REST: variants seen among roughly 807,000 people sequenced by gnomAD.
REST encodes the protein RE1-silencing transcription factor.
REST carries 1 observed loss-of-function variant against 30.4 expected under a neutral mutation model. The observed-to-expected ratio is 0.03, with a 90% CI of 0.01 to 0.16. The LOEUF (loss-of-function observed/expected upper bound fraction) is 0.16. Among genes scored for constraint, REST ranks in the 10% least tolerant of loss-of-function variants. The pLI is 1.00. For synonymous variants in REST, 504 were observed against 451.1 expected (o/e 1.12, Z -1.49); for missense variants, 1,259 against 1,329.5 (o/e 0.95, Z 0.82).
rs1446119135 is a variant in REST, at chr4:56,930,968, G to C, written c.2110G>C (p.Ala704Pro). The change falls in exon 4 of 4, where the codon GCT becomes CCT. Residue 704 changes from alanine (A) to proline (P), a missense_variant. This residue lies in a region of REST where 856 missense variants were observed against 772.8 expected (regional missense o/e 1.11). Transcript: ENST00000309042. ...GACGGAGGTTGCCCAAATGGGGCCT[G>C]CTCCCATGGAACCTGCTCAGATGGA... ...AQTEVAQMGP[A>P]PMEPAQMEVA... is the part of the protein sequence containing the mutation. The C allele has an allele frequency of 2.5e-6, 4 of 1,613,858 alleles. No individual in the cohort carries two copies. Among genetic ancestry groups the C allele is most frequent in the Non-Finnish European group, 3.4e-6 (4 of 1,179,782 alleles).
chr4:56,932,083 C>T lies in REST; in HGVS notation c.3225C>T (p.Tyr1075=), dbSNP rs1258023812. The T allele has an allele frequency of 6.8e-6, 11 of 1,614,116 alleles. No individual in the cohort carries two copies. The highest frequency in any genetic ancestry group is 2.2e-5 in the East Asian group (1 of 44,906). ...CDRSFRKGKD[Y]SKHLNRHLVN... ...GTTCTTTCAGAAAGGGAAAAGATTA[C>T]AGCAAACACCTCAATCGCCATTTGG... is the stretch of plus-strand genomic sequence containing the variant. The change falls in exon 4 of 4, where the codon TAC becomes TAT. Residue 1075 remains tyrosine, a synonymous_variant. Transcript: ENST00000309042.
Position 56,929,564 on chromosome 4 carries a change from T to C in REST, c.983-277T>C, listed in dbSNP as rs10034440. Among the ~76,000 whole-genome samples, 761 of 152,334 alleles carry C rather than the reference T, an allele frequency of 5.0e-3. 8 individuals are homozygous for C. The highest frequency in any genetic ancestry group is 0.017 in the African/African-American group (711 of 41,576). The stretch of plus-strand genomic sequence containing the variant: ...AGAGCCCAATTGAACTTTGCCAATA[T>C]GTGTATGTCTTAAAGAATCTCTGTT... On this transcript the variant is annotated intron_variant, in intron 3 of 3. Transcript: ENST00000309042.
intron 1 of REST, chr4:56,908,921 G>A (rs1418224886): frequency 1.3e-5 from 2 of 151,534 alleles, no homozygotes; most frequent in African/African-American, 2.4e-5. Context: ...TCCGGCGCTC[G>A]GAGCCCGACG....
Position 56,932,182 on chromosome 4 carries a change from G to A in REST, c.*30G>A. 1 of 1,565,824 alleles carries A rather than the reference G, an allele frequency of 6.4e-7. No individual in the cohort carries two copies. Among genetic ancestry groups the A allele is most frequent in the South Asian group, 1.2e-5 (1 of 82,524 alleles). On this transcript the variant is annotated 3_prime_UTR_variant, in exon 4 of 4. Transcript: ENST00000309042. Reference sequence around the variant, plus strand: ...ACTTTGAACAAGGTTTCAGTTCTTAGTTTGTAAGGTATATTACATTTTATA... The same window carrying A: ...ACTTTGAACAAGGTTTCAGTTCTTAATTTGTAAGGTATATTACATTTTATA...
rs1233084710 is a variant in REST at position 56,930,518 on chromosome 4, A to C, written c.1660A>C (p.Asn554His). 1 of 1,610,704 alleles carries C rather than the reference A, an allele frequency of 6.2e-7. No individual in the cohort carries two copies. Among genetic ancestry groups the C allele is most frequent in the Admixed American group, 1.7e-5 (1 of 59,236 alleles). The change falls in exon 4 of 4, where the codon AAT becomes CAT. Residue 554 changes from asparagine to histidine, a missense_variant. Asn to His is a moderately conservative substitution (Grantham distance 68). This residue lies in a region of REST where 856 missense variants were observed against 772.8 expected (regional missense o/e 1.11). Coordinates refer to ENST00000309042, the MANE Select transcript of REST (RefSeq NM_005612.5). The part of the protein sequence containing the change: ...KKKVESKSKN[N>H]SQEVPKGDSK... ...GAAGGTAGAAAGCAAATCCAAAAATAATAGTCAGGAAGTGCCAAAGGGTGA... is the reference window on the plus strand; with the variant it reads ...GAAGGTAGAAAGCAAATCCAAAAATCATAGTCAGGAAGTGCCAAAGGGTGA...
In REST at chr4:56,919,776, A is replaced by C. The variant is rs372187582; in HGVS notation, c.899-11A>C. 1.3e-6 allele frequency: 2 copies of C among 1,575,846 alleles called. No homozygotes were observed. The highest frequency in any genetic ancestry group is 1.7e-6 in the Non-Finnish European group (2 of 1,149,272). On this transcript the variant is annotated splice_polypyrimidine_tract_variant and intron_variant, in intron 2 of 3. Coordinates refer to ENST00000309042, the MANE Select transcript of REST (RefSeq NM_005612.5). Reference sequence around the variant, plus strand: ...ACATTTAAACACTCTTATATTATTGAAATTTTGCAGGAGAACGCCCATATA... The same window carrying C: ...ACATTTAAACACTCTTATATTATTGCAATTTTGCAGGAGAACGCCCATATA...
Position 56,919,824 on chromosome 4 carries a change from A to C in REST, c.936A>C (p.Ser312=). The C allele has an allele frequency of 6.2e-7, 1 of 1,609,322 alleles. No homozygotes were observed. Among genetic ancestry groups the C allele is most frequent in the Non-Finnish European group, 8.5e-7 (1 of 1,176,818 alleles). ...ATAAATGTGAACTTTGTCCTTACTC[A>C]AGTTCTCAGAAGACTCATCTAACTA... ...RPYKCELCPY[S]SSQKTHLTRH... The change falls in exon 3 of 4, where the codon TCA becomes TCC. Residue 312 remains serine, a synonymous_variant. Coordinates refer to ENST00000309042, the MANE Select transcript of REST (RefSeq NM_005612.5).
chr4:56,922,680 C>T (rs1251762119), intron 3 of REST, among the ~76,000 whole-genome samples: 2 of 152,182 alleles, frequency 1.3e-5, no homozygotes, highest in African/African-American at 4.8e-5. Context: ...GTTCTATTAT[C>T]CCCATTTTAC....
At chr4:56,923,365 T>A (rs1720538660) in intron 3 of REST, among the ~76,000 whole-genome samples, 4 of 152,204 alleles carry the variant, frequency 2.6e-5, no homozygotes, top group Admixed American at 2.0e-4. Flanking sequence ...ATGCCTAGGC[T>A]CAAGCCATCC....
chr4:56,930,900 T>C lies in REST; in HGVS notation c.2042T>C (p.Val681Ala). 5.6e-6 allele frequency: 9 copies of C among 1,612,774 alleles called. No homozygotes were observed. Among genetic ancestry groups the C allele is most frequent in the Non-Finnish European group, 7.6e-6 (9 of 1,179,462 alleles). ...GCTCAGATGGTGGGTGCCCAAATTGTACTTGCTCACATGGAGCTGCCTCCT... is the reference window on the plus strand; with the variant it reads ...GCTCAGATGGTGGGTGCCCAAATTGCACTTGCTCACATGGAGCTGCCTCCT... Reference protein sequence around the residue: ...EPAQMVGAQIVLAHMELPPPM... With the variant: ...EPAQMVGAQIALAHMELPPPM... The change falls in exon 4 of 4, where the codon GTA becomes GCA. Residue 681 changes from valine to alanine, a missense_variant. By Grantham distance (64) the Val-to-Ala change is moderately conservative. Coordinates refer to ENST00000309042, the MANE Select transcript of REST (RefSeq NM_005612.5).
At position 56,930,171 on chromosome 4, in the gene REST, C is replaced by A. The variant is rs765586309; in HGVS notation, c.1313C>A (p.Pro438His). 7 of 1,612,122 alleles carry A rather than the reference C, an allele frequency of 4.3e-6. No individual in the cohort carries two copies. The South Asian group carries it at 7.7e-5, about 18-fold the overall frequency. ...ACCAAAAAACGAGAGGCTGACTTGC[C>A]TGATAATATTACCAATGAAAAAACA... ...KKTKKREADLPDNITNEKTEI... is the reference protein window; with the variant it reads ...KKTKKREADLHDNITNEKTEI... The change falls in exon 4 of 4, where the codon CCT becomes CAT. Residue 438 changes from proline (P) to histidine (H), a missense_variant. Physicochemically the swap from Pro to His is moderately conservative, Grantham distance 77 (BLOSUM62 -2). Around this residue, in one of 5 missense-constraint regions of REST, gnomAD observed 856 missense variants for 772.8 expected, o/e 1.11. Coordinates refer to ENST00000309042, the MANE Select transcript of REST (RefSeq NM_005612.5).
chr4:56,918,289 C>T (rs1249183521), intron 2 of REST, among the ~76,000 whole-genome samples: 5 of 151,158 alleles, frequency 3.3e-5, no homozygotes, highest in South Asian at 2.1e-4. Flanking sequence ...CCCAGAAGTT[C>T]GAGACCAGTC....
intron 1 of REST, among the ~76,000 whole-genome samples, chr4:56,909,772 T>C (rs1719810101): frequency 1.3e-5 from 2 of 152,200 alleles, no homozygotes; most frequent in Admixed American, 6.5e-5. Context: ...CCAACTTGTT[T>C]TGAAGAAGGT....
chr4:56,927,028 G>A (rs1460681287), intron 3 of REST, among the ~76,000 whole-genome samples: 4 of 152,014 alleles, frequency 2.6e-5, no homozygotes, highest in Admixed American at 6.6e-5. Flanking sequence ...CCTGGGAGGC[G>A]GGGGTTGCAG....
In REST at chr4:56,930,262, A is replaced by T. The variant is rs771090894; in HGVS notation, c.1404A>T (p.Ala468=). Residue 468 remains alanine, a synonymous_variant, in exon 4 of 4, where the codon GCA becomes GCT. Coordinates refer to ENST00000309042, the MANE Select transcript of REST (RefSeq NM_005612.5). Reference sequence around the variant, plus strand: ...AGAAAAATGAAAAGTCCGTCAAAGCAGAGAAAAGAGATGTCTCAAAAGAGA... The same window carrying T: ...AGAAAAATGAAAAGTCCGTCAAAGCTGAGAAAAGAGATGTCTCAAAAGAGA... The part of the protein sequence containing the change: ...AGKKNEKSVK[A]EKRDVSKEKK... 2 of 1,611,682 alleles carry T rather than the reference A, an allele frequency of 1.2e-6. No homozygotes were observed. Among genetic ancestry groups the T allele is most frequent in the East Asian group, 4.5e-5 (2 of 44,868 alleles).
rs749760341 is a variant in REST at position 56,930,892 on chromosome 4, C to G, written c.2034C>G (p.Ala678=). Residue 678 remains alanine (A), a synonymous_variant, in exon 4 of 4, where the codon GCC becomes GCG. Coordinates refer to ENST00000309042, the MANE Select transcript of REST (RefSeq NM_005612.5). The part of the protein sequence containing the change: ...PPVEPAQMVG[A]QIVLAHMELP... ...TGGAGCCTGCTCAGATGGTGGGTGC[C>G]CAAATTGTACTTGCTCACATGGAGC... The G allele has an allele frequency of 1.9e-5, 30 of 1,613,100 alleles. No homozygotes were observed. The highest frequency in any genetic ancestry group is 2.5e-5 in the Non-Finnish European group (30 of 1,179,804).
rs1720955844 is a variant in REST at position 56,931,220 on chromosome 4, G to A, written c.2362G>A (p.Val788Ile). 2 of 1,614,028 alleles carry A rather than the reference G, an allele frequency of 1.2e-6. No individual in the cohort carries two copies. The highest frequency in any genetic ancestry group is 3.3e-5 in the Admixed American group (2 of 60,000). ...GGAGTTGTCTCCTCCCATGGGGGTG[G>A]TTCAGAAGGAGCCTGCTCAGAGGGA... is the stretch of plus-strand genomic sequence containing the variant. ...QMELSPPMGV[V>I]QKEPAQREPP... Residue 788 changes from valine to isoleucine, a missense_variant, in exon 4 of 4, where the codon GTT (valine) becomes ATT (isoleucine). Around this residue, in one of 5 missense-constraint regions of REST, gnomAD observed 856 missense variants for 772.8 expected, o/e 1.11. Transcript: ENST00000309042.
Position 56,929,000 on chromosome 4 carries a change from G to C in REST, c.983-841G>C, listed in dbSNP as rs1252923592. Among the ~76,000 whole-genome samples the C allele has an allele frequency of 2.0e-5, 3 of 151,914 alleles. No homozygotes were observed. In the East Asian group the frequency reaches 5.9e-4, roughly 30 times the overall value. On this transcript the variant is annotated intron_variant, in intron 3 of 3. Coordinates refer to ENST00000309042, the MANE Select transcript of REST (RefSeq NM_005612.5). ...TGCTACTTCAAATTCCTGGGCTTAA[G>C]CGGTCCTCCCGCCTTTGCCTCCCGA...
Position 56,930,701 on chromosome 4 carries a change from C to T in REST, c.1843C>T (p.Pro615Ser). 1 of 1,608,330 alleles carries T rather than the reference C, an allele frequency of 6.2e-7. No individual in the cohort carries two copies. The highest frequency in any genetic ancestry group is 1.7e-5 in the Admixed American group (1 of 58,320). The change falls in exon 4 of 4, where the codon CCT becomes TCT. Residue 615 changes from proline (P) to serine (S), a missense_variant. Transcript: ENST00000309042. ...SAQMDPPQMG[P>S]APTEAVQKGP... Reference sequence around the variant, plus strand: ...TCAGATGGACCCTCCTCAGATGGGGCCTGCTCCCACAGAGGCGGTTCAGAA... The same window carrying T: ...TCAGATGGACCCTCCTCAGATGGGGTCTGCTCCCACAGAGGCGGTTCAGAA...
Sources: gnomAD v4.1 joint callset for allele counts (sites outside exome capture counted in the v4.1 genomes callset) on GRCh38, gnomAD v4.1.1 for gene constraint, gnomAD v4.1.1 regional missense constraint, MANE v1.5 for transcripts, NCBI Gene and HGNC (gene_info 2026-07-23, HGNC 2026-07-21) for gene names.